MED12: variants seen among roughly 807,000 people sequenced by gnomAD.
The protein encoded by MED12 is mediator of RNA polymerase II transcription subunit 12.
A neutral mutation model predicts 177.7 loss-of-function variants in MED12; 10 were observed. That is an observed-to-expected ratio of 0.06 (90% CI 0.03 to 0.10). MED12 has a LOEUF of 0.10. Ranked by LOEUF, MED12 falls within the 10% of genes least tolerant of loss-of-function variation. The pLI, the probability that MED12 is intolerant of heterozygous loss-of-function variation, is 1.00. For missense variants in MED12, 867 were observed against 1,780.8 expected (o/e 0.49, Z 9.23); for synonymous variants, 641 against 678.4 (o/e 0.94, Z 0.86).
chrX:71,127,674 C>T, intron 21 of MED12: 1 of 477,331 alleles, frequency 2.1e-6, no homozygotes, highest in Non-Finnish European at 3.6e-6. Context: ...TGGGGCCCAC[C>T]CTCTTCCCCC....
At position 71,125,049 on chromosome X, in the gene MED12, T is replaced by C. The variant is rs1187273369; in HGVS notation, c.2129T>C (p.Val710Ala). The C allele has an allele frequency of 3.3e-6, 4 of 1,207,988 alleles. No homozygotes were observed. The African/African-American group carries it at 7.1e-5, about 21-fold the overall frequency. Residue 710 changes from valine to alanine, a missense_variant, in exon 15 of 45, where the codon GTG (valine) becomes GCG (alanine). By Grantham distance (64) the Val-to-Ala change is moderately conservative. This residue lies in a region of MED12 where 309 missense variants were observed against 556.3 expected (regional missense o/e 0.56). Transcript: ENST00000374080. Reference sequence around the variant, plus strand: ...GAGAAGCCAGATGTCGAGAAGGAGGTGAAGCCCCCACCCAAGGAGAAGATT... The same window carrying C: ...GAGAAGCCAGATGTCGAGAAGGAGGCGAAGCCCCCACCCAAGGAGAAGATT... ...SPEKPDVEKE[V>A]KPPPKEKIEG...
chrX:71,133,069 G>A, intron 32 of MED12, 54 bp from the exon 33 acceptor site: 3 of 1,052,423 alleles, frequency 2.9e-6, no homozygotes, highest in Non-Finnish European at 4.0e-6. Context: ...TGGCTGCTGT[G>A]GGATGGAAAC....
At chrX:71,118,879 A>AGGGGCC in intron 1 of MED12, 26 bp downstream of exon 1, 1 of 1,165,807 alleles carries the variant, frequency 8.6e-7, no homozygotes, top group Non-Finnish European at 1.2e-6. Flanking sequence ...GGGGCTCTGG[A>AGGGGCC]GGGGCCGGGG....
In MED12 at chrX:71,125,045, G is replaced by C; in HGVS notation, c.2125G>C (p.Glu709Gln). 2 of 1,211,158 alleles carry C rather than the reference G, an allele frequency of 1.7e-6. No homozygotes were observed. Among genetic ancestry groups the C allele is most frequent in the Admixed American group, 2.2e-5 (1 of 45,925 alleles). Residue 709 changes from glutamate to glutamine, a missense_variant, in exon 15 of 45, where the codon GAG (glutamate) becomes CAG (glutamine). This residue lies in a region of MED12 where 309 missense variants were observed against 556.3 expected (regional missense o/e 0.56). Transcript: ENST00000374080. ...PSPEKPDVEK[E>Q]VKPPPKEKIE... ...CCCTGAGAAGCCAGATGTCGAGAAG[G>C]AGGTGAAGCCCCCACCCAAGGAGAA... is the stretch of plus-strand genomic sequence containing the variant.
chrX:71,140,189 C>T (rs756751271), intron 41 of MED12, among the ~76,000 whole-genome samples: 1 of 103,527 alleles, frequency 9.7e-6, no homozygotes, highest in South Asian at 4.7e-4. Flanking sequence ...AAGCAATTCT[C>T]CTGCCTCAGC....
chrX:71,120,615 A>ATT (rs375403373), intron 4 of MED12, among the ~76,000 whole-genome samples: 26 of 101,440 alleles, frequency 2.6e-4, no homozygotes, highest in South Asian at 8.6e-4. Flanking sequence ...AAGTAGAAGG[A>ATT]TTTTTTTTTT....
At position 71,125,055 on chromosome X, in the gene MED12, C is replaced by T; in HGVS notation, c.2135C>T (p.Pro712Leu). 1 of 1,210,876 alleles carries T rather than the reference C, an allele frequency of 8.3e-7. No individual in the cohort carries two copies. Among genetic ancestry groups the T allele is most frequent in the Non-Finnish European group, 1.1e-6 (1 of 895,144 alleles). ...EKPDVEKEVK[P>L]PPKEKIEGTL... The stretch of plus-strand genomic sequence containing the variant: ...CCAGATGTCGAGAAGGAGGTGAAGC[C>T]CCCACCCAAGGAGAAGATTGAAGGG... Residue 712 changes from proline (P) to leucine (L), a missense_variant, in exon 15 of 45, where the codon CCC becomes CTC. Physicochemically the swap from Pro to Leu is moderately conservative, Grantham distance 98. Transcript: ENST00000374080.
At chrX:71,137,665 G>C (rs771779587) in intron 40 of MED12, 30 bp downstream of exon 40, 18 of 1,200,472 alleles carry the variant, frequency 1.5e-5, no homozygotes, top group Non-Finnish European at 2.0e-5. Context: ...AGACTAGGGG[G>C]ATGAGGCAAG....
rs1381304769 is a variant in MED12 at position 71,136,556 on chromosome X, C to A, written c.5301C>A (p.Pro1767=). The change falls in exon 37 of 45, where the codon CCC becomes CCA. Residue 1767 remains proline, a synonymous_variant. Transcript: ENST00000374080. ...LEPEKKAPEP[P]KTDKPGAAPP... ...CTGAGAAAAAGGCTCCAGAGCCCCC[C>A]AAAACTGACAAACCGGGGGCTGCTC... 1 of 1,195,314 alleles carries A rather than the reference C, an allele frequency of 8.4e-7. No individual in the cohort carries two copies. Among genetic ancestry groups the A allele is most frequent in the Non-Finnish European group, 1.1e-6 (1 of 888,316 alleles).
chrX:71,121,879 C>T (rs189170979), intron 7 of MED12, 63 bp downstream of exon 7: 1 of 1,194,267 alleles, frequency 8.4e-7, no homozygotes, highest in Non-Finnish European at 1.1e-6. Context: ...AGGTGCCCAT[C>T]CCAGAGAATA....
chrX:71,138,761 AAAAG>A (rs2092339089), intron 41 of MED12, among the ~76,000 whole-genome samples: 1 of 110,500 alleles, frequency 9.0e-6, no homozygotes, highest in African/African-American at 3.3e-5. Context: ...TCTCAAAAAA[AAAAG>A]AAGAAAGAAA....
In MED12 at chrX:71,136,999, C is replaced by T; in HGVS notation, c.5521C>T (p.Leu1841=). The T allele has an allele frequency of 1.7e-6, 2 of 1,199,252 alleles. No individual in the cohort carries two copies. The highest frequency in any genetic ancestry group is 1.8e-5 in the South Asian group (1 of 55,546). Reference sequence around the variant, plus strand: ...TAACTACAGGCAAGGCTCCATAGGCCTGTACACCCAGAACCAGCCACTACC... The same window carrying T: ...TAACTACAGGCAAGGCTCCATAGGCTTGTACACCCAGAACCAGCCACTACC... The part of the protein sequence containing the change: ...HLNYRQGSIG[L]YTQNQPLPAG... The change falls in exon 38 of 45, where the codon CTG becomes TTG. Residue 1841 remains leucine, a synonymous_variant. Transcript: ENST00000374080.
At chrX:71,134,286 G>T in intron 33 of MED12, 71 bp from the exon 34 acceptor site, 1 of 550,111 alleles carries the variant, frequency 1.8e-6, no homozygotes, top group Non-Finnish European at 3.1e-6. Flanking sequence ...AACTCAGATT[G>T]GAACTAAGCT....
Position 71,122,625 on chromosome X carries a change from G to C in MED12, c.1348+18G>C. On this transcript the variant is annotated intron_variant, in intron 9 of 44. Transcript: ENST00000374080. ...TACTGCAGGTATGTGTCAGAGAACAGATAATAGGAAATATGTTTGAGGAAA... is the reference window on the plus strand; with the variant it reads ...TACTGCAGGTATGTGTCAGAGAACACATAATAGGAAATATGTTTGAGGAAA... The C allele has an allele frequency of 8.3e-7, 1 of 1,201,478 alleles. No individual in the cohort carries two copies. Among genetic ancestry groups the C allele is most frequent in the African/African-American group, 1.7e-5 (1 of 57,639 alleles).
intron 4 of MED12, 72 bp downstream of exon 4, chrX:71,120,242 C>T (rs775730020): frequency 9.5e-7 from 1 of 1,056,443 alleles, no homozygotes; most frequent in African/African-American, 1.9e-5. Flanking sequence ...TGGAACCATC[C>T]TCCTTCTTAA....
Position 71,121,600 on chromosome X carries a change from C to A in MED12, c.885C>A (p.Arg295=). 1 of 1,211,772 alleles carries A rather than the reference C, an allele frequency of 8.3e-7. No homozygotes were observed. Among genetic ancestry groups the A allele is most frequent in the African/African-American group, 1.7e-5 (1 of 57,755 alleles). The change falls in exon 7 of 45, where the codon CGC becomes CGA. Residue 295 remains arginine, a synonymous_variant. Transcript: ENST00000374080. Reference sequence around the variant, plus strand: ...TTGTTCAGTCTGCATACCTGTCCCGCCGGCTTGCCTACTTCTGTACACGGA... The same window carrying A: ...TTGTTCAGTCTGCATACCTGTCCCGACGGCTTGCCTACTTCTGTACACGGA... The part of the protein sequence containing the change: ...GEFVQSAYLS[R]RLAYFCTRRL...
At chrX:71,128,842 G>A in intron 24 of MED12, 124 bp downstream of exon 24, 1 of 894,744 alleles carries the variant, frequency 1.1e-6, no homozygotes, top group East Asian at 3.2e-5. Flanking sequence ...TCCTCAGAAG[G>A]CCAGTCCTTT....
Position 71,118,894 on chromosome X carries a change from G to A in MED12, c.99+41G>A, listed in dbSNP as rs774829085. On this transcript the variant is annotated intron_variant, in intron 1 of 44. Coordinates refer to ENST00000374080, the MANE Select transcript of MED12 (RefSeq NM_005120.3). ...GGGGCTCTGGAGGGGCCGGGGGCACGCGGTCAGCCTAGGAGGAGGCACTGA... is the reference window on the plus strand; with the variant it reads ...GGGGCTCTGGAGGGGCCGGGGGCACACGGTCAGCCTAGGAGGAGGCACTGA... The A allele has an allele frequency of 2.0e-5, 23 of 1,126,890 alleles. No homozygotes were observed. In the South Asian group the frequency reaches 4.1e-4, roughly 20 times the overall value. The allele number at this position is 1,126,890 out of a possible 1,213,427, so 92.9% of individuals were successfully genotyped here. A position where few individuals can be genotyped will look rare whatever the true frequency, so the allele number is the denominator to read the frequency against.
chrX:71,126,905 G>A, intron 19 of MED12, 64 bp from the exon 20 acceptor site: 1 of 1,124,730 alleles, frequency 8.9e-7, no homozygotes, highest in Non-Finnish European at 1.2e-6. Flanking sequence ...GTCCCCACAG[G>A]AAGGTGGTTT....
Sources: allele counts gnomAD v4.1 joint callset (sites outside exome capture counted in the v4.1 genomes callset), GRCh38; gene constraint gnomAD v4.1.1; regional missense constraint gnomAD v4.1.1; transcripts MANE v1.5; gene names NCBI Gene and HGNC (gene_info 2026-07-23, HGNC 2026-07-21).